Variants in VWF observed in about 807,000 individuals in gnomAD.
The protein encoded by VWF is von Willebrand factor, also known as Factor VIII related antigen.
VWF carries 176 observed loss-of-function variants against 308.6 expected under a neutral mutation model. That is an observed-to-expected ratio of 0.57 (90% CI 0.50 to 0.65). The LOEUF (loss-of-function observed/expected upper bound fraction) is 0.65, where lower values mean the gene tolerates loss of function less well. Among genes scored for constraint, VWF ranks in the 30% least tolerant of loss-of-function variants. The probability of loss-of-function intolerance (pLI) is 0.00; values close to 1 mark genes in which losing one functional copy is unlikely to be tolerated. For missense variants in VWF, 3,146 were observed against 3,648.2 expected, an observed-to-expected ratio of 0.86 and a Z score of 3.55; for synonymous variants, 1,385 against 1,443.4, an observed-to-expected ratio of 0.96 and a Z score of 0.92.
Position 6,060,877 on chromosome 12 carries a change from C to A in VWF, c.1533+2077G>T. On this transcript the variant is annotated intron_variant, in intron 13 of 51. Transcript: ENST00000261405. This position sits in a 1 kb window ranked among gnomAD's most constrained non-coding sequence, Gnocchi z 5.1. ...GAGAAAGTGCATGGGTGGAGAGCACCCTCTCTGTGAGGTGGGAAGATGCTG... is the reference window on the plus strand; with the variant it reads ...GAGAAAGTGCATGGGTGGAGAGCACACTCTCTGTGAGGTGGGAAGATGCTG... Among the ~76,000 whole-genome samples, 1 of 152,216 alleles carries A rather than the reference C, an allele frequency of 6.6e-6. No individual in the cohort carries two copies. Among genetic ancestry groups the A allele is most frequent in the South Asian group, 2.1e-4 (1 of 4,824 alleles).
intron 37 of VWF, among the ~76,000 whole-genome samples, chr12:5,993,581 T>G (rs1158575409): frequency 6.6e-6 from 1 of 151,500 alleles, no homozygotes; most frequent in East Asian, 1.9e-4. Context: ...ATGCATTAAT[T>G]TACATAAAAA....
intron 10 of VWF, among the ~76,000 whole-genome samples, chr12:6,067,248 C>T (rs975650774): frequency 7.2e-5 from 11 of 152,326 alleles, no homozygotes; most frequent in Middle Eastern, 3.4e-3. Flanking sequence ...TATCATCATT[C>T]TACAAACACA....
intron 42 of VWF, among the ~76,000 whole-genome samples, chr12:5,979,226 A>C (rs2136367069): frequency 6.6e-6 from 1 of 152,398 alleles, no homozygotes; most frequent in Non-Finnish European, 1.5e-5. Context: ...ATTTCAGGGT[A>C]ACTGAAAGCA....
chr12:6,023,856 T>C, intron 24 of VWF, 69 bp from the exon 25 acceptor site: 1 of 1,573,796 alleles, frequency 6.4e-7, no homozygotes, highest in East Asian at 2.3e-5. Context: ...TTAGTCTGGG[T>C]GCAAATGTTC....
In VWF at chr12:6,015,054, T is replaced by C. The variant is rs541070383; in HGVS notation, c.5455+1035A>G. On this transcript the variant is annotated intron_variant, in intron 31 of 51. Coordinates refer to ENST00000261405, the MANE Select transcript of VWF (RefSeq NM_000552.5). ...GTGCTTCAGGTTGGAACGGATTTTCTATTAGCAGCTTTTCAGCTCTTGTAA... is the reference window on the plus strand; with the variant it reads ...GTGCTTCAGGTTGGAACGGATTTTCCATTAGCAGCTTTTCAGCTCTTGTAA... Among the ~76,000 whole-genome samples the C allele has an allele frequency of 4.6e-5, 7 of 152,382 alleles. No individual in the cohort carries two copies. In the South Asian group the frequency reaches 1.4e-3, roughly 32 times the overall value.
Position 6,046,669 on chromosome 12 carries a change from T to G in VWF, c.2281+54A>C. The G allele has an allele frequency of 2.6e-6, 4 of 1,536,688 alleles. No homozygotes were observed. The highest frequency in any genetic ancestry group is 3.6e-6 in the Non-Finnish European group (4 of 1,109,834). On this transcript the variant is annotated intron_variant, in intron 17 of 51. Transcript: ENST00000261405. This position sits in a 1 kb window ranked among gnomAD's most constrained non-coding sequence, Gnocchi z 5.0. ...CAGCTCTCTCCCGCCATTCCACACG[T>G]GAGGAATCTGGGCAGGATGGAGTCA... is the stretch of plus-strand genomic sequence containing the variant.
chr12:6,055,761 T>TATACAC (rs1555198146), intron 15 of VWF, among the ~76,000 whole-genome samples: 1 of 135,246 alleles, frequency 7.4e-6, no homozygotes, highest in Non-Finnish European at 1.6e-5. Context: ...TATATATGTA[T>TATACAC]ACACACACAC....
intron 2 of VWF, among the ~76,000 whole-genome samples, chr12:6,122,178 G>A (rs757391548): frequency 3.3e-5 from 5 of 152,084 alleles, no homozygotes; most frequent in South Asian, 2.1e-4. Flanking sequence ...TCCAATATGC[G>A]GTTTTTAGTG....
At chr12:6,069,284 AAG>A (rs1944756021) in intron 10 of VWF, among the ~76,000 whole-genome samples, 1 of 152,088 alleles carries the variant, frequency 6.6e-6, no homozygotes, top group South Asian at 2.1e-4. Context: ...CAAGTTCCCA[AAG>A]AAACTGAACA....
chr12:5,973,944 AT>A (rs1219278012), intron 43 of VWF, among the ~76,000 whole-genome samples: 1 of 152,108 alleles, frequency 6.6e-6, no homozygotes, highest in Non-Finnish European at 1.5e-5. Flanking sequence ...CGCTTAGAAC[AT>A]TCCTGAGAAG....
chr12:6,036,487 C>T lies in VWF; in HGVS notation c.2447G>A (p.Arg816Gln), dbSNP rs62643634. 21 of 1,613,986 alleles carry T rather than the reference C, an allele frequency of 1.3e-5. No individual in the cohort carries two copies. Among genetic ancestry groups the T allele is most frequent in the African/African-American group, 6.7e-5 (5 of 74,914 alleles). ...SGCLCPPGMV[R>Q]HENRCVALER... ...CAGGGCCACACATCTGTTCTCATGC[C>T]GGACCTAAGAGAAAAGAATCCAAAA... The change falls in exon 19 of 52, where the codon CGG becomes CAG. Residue 816 changes from arginine (R) to glutamine (Q), a missense_variant. Physicochemically the swap from Arg to Gln is conservative, Grantham distance 43. Coordinates refer to ENST00000261405, the MANE Select transcript of VWF (RefSeq NM_000552.5).
chr12:6,113,933 A>G (rs546916980), intron 3 of VWF, among the ~76,000 whole-genome samples: 1 of 152,346 alleles, frequency 6.6e-6, no homozygotes, highest in African/African-American at 2.4e-5. Context: ...CCAGAGCAGA[A>G]GCCTCCACCT....
At chr12:6,052,086 G>C (rs534487154) in intron 16 of VWF, among the ~76,000 whole-genome samples, 1 of 152,340 alleles carries the variant, frequency 6.6e-6, no homozygotes, top group Non-Finnish European at 1.5e-5. Context: ...AGCATGATTT[G>C]GAGCTATTTT....
chr12:6,044,503 A>C, intron 17 of VWF, 52 bp from the exon 18 acceptor site: 2 of 1,585,636 alleles, frequency 1.3e-6, no homozygotes, highest in Non-Finnish European at 1.7e-6. Flanking sequence ...GAATGGACCT[A>C]CCTTCCACAC....
At chr12:5,953,090 G>T (rs1943211900) in intron 48 of VWF, among the ~76,000 whole-genome samples, 1 of 152,140 alleles carries the variant, frequency 6.6e-6, no homozygotes, top group Non-Finnish European at 1.5e-5. Context: ...AGCTGGGTGT[G>T]GTGGCACGTG....
rs1446407673 is a variant in VWF, at chr12:6,110,432, G to A, written c.474C>T (p.Thr158=). The change falls in exon 5 of 52, where the codon ACC becomes ACT. Residue 158 remains threonine, a synonymous_variant. Transcript: ENST00000261405. ...TGTTAAAGTTGCCACACAGCCCGCA[G>A]GTCTTGTTGAAGTATCTGTCTGACA... ...VLLSDRYFNK[T]CGLCGNFNIF... 3 of 1,614,164 alleles carry A rather than the reference G, an allele frequency of 1.9e-6. No individual in the cohort carries two copies. The highest frequency in any genetic ancestry group is 2.5e-6 in the Non-Finnish European group (3 of 1,180,030).
chr12:6,028,769 A>G (rs1270880577), intron 22 of VWF, among the ~76,000 whole-genome samples: 1 of 152,224 alleles, frequency 6.6e-6, no homozygotes, highest in African/African-American at 2.4e-5. Flanking sequence ...AGCACTAAAC[A>G]TGGAAAGAAA....
intron 49 of VWF, 74 bp downstream of exon 49, chr12:5,952,317 G>A (rs895350586): frequency 2.5e-6 from 4 of 1,595,814 alleles, no homozygotes; most frequent in Admixed American, 3.3e-5. Flanking sequence ...GCCGGAGCTG[G>A]GATGCACACT....
intron 6 of VWF, among the ~76,000 whole-genome samples, chr12:6,091,184 C>G (rs1371857032): frequency 1.3e-5 from 2 of 151,578 alleles, no homozygotes; most frequent in Non-Finnish European, 2.9e-5. Context: ...TTTTCTGGGT[C>G]TGACATTCTC....
Sources: gnomAD v4.1 joint callset for allele counts (sites outside exome capture counted in the v4.1 genomes callset) on GRCh38, gnomAD v4.1.1 for gene constraint, Gnocchi (gnomAD v3.1) non-coding constraint, MANE v1.5 for transcripts, NCBI Gene and HGNC (gene_info 2026-07-23, HGNC 2026-07-21) for gene names.